TRAPPC9: variants seen among roughly 807,000 people sequenced by gnomAD.
The protein encoded by TRAPPC9 is trafficking protein particle complex subunit 9.
In TRAPPC9, 83 loss-of-function variants were observed where a neutral mutation model predicts 124.0. The ratio of observed to expected loss-of-function variants is 0.67; its 90% CI spans 0.56 to 0.80. The LOEUF is 0.80. TRAPPC9 is among the 30% of genes least tolerant of loss of function. The pLI is 0.00. For missense variants in TRAPPC9, 1,302 were observed against 1,508.3 expected (o/e 0.86, Z 2.27); for synonymous variants, 638 against 617.5 (o/e 1.03, Z -0.49).
At chr8:140,277,090 G>A (rs1306173628) in intron 14 of TRAPPC9, among the ~76,000 whole-genome samples, 4 of 152,086 alleles carry the variant, frequency 2.6e-5, no homozygotes, top group Non-Finnish European at 2.9e-5. Flanking sequence ...TGCTTCCCAC[G>A]CCGAAGCACT....
chr8:140,084,001 A>T (rs528563023), intron 17 of TRAPPC9, among the ~76,000 whole-genome samples: 45 of 152,058 alleles, frequency 3.0e-4, no homozygotes, highest in African/African-American at 1.0e-3. Flanking sequence ...AAGATTCAGG[A>T]TCTTGCTGTG....
At chr8:140,380,156 A>G (rs1336679718) in intron 7 of TRAPPC9, among the ~76,000 whole-genome samples, 3 of 152,230 alleles carry the variant, frequency 2.0e-5, no homozygotes, top group Non-Finnish European at 4.4e-5. Flanking sequence ...AAAAGAACGA[A>G]GTTGGAGGAG....
chr8:140,348,618 A>C (rs1200335711), intron 9 of TRAPPC9, among the ~76,000 whole-genome samples: 3 of 152,092 alleles, frequency 2.0e-5, no homozygotes, highest in Non-Finnish European at 2.9e-5. Flanking sequence ...GAAAGGGAAC[A>C]AAAAAAAGCA....
intron 19 of TRAPPC9, among the ~76,000 whole-genome samples, chr8:139,975,644 G>A (rs1836390147): frequency 6.6e-6 from 1 of 152,096 alleles, no homozygotes; most frequent in South Asian, 2.1e-4. Flanking sequence ...TCTAGGATTT[G>A]GCCCAGCCAA....
At chr8:139,799,189 T>C (rs1347772162) in intron 21 of TRAPPC9, among the ~76,000 whole-genome samples, 1 of 152,014 alleles carries the variant, frequency 6.6e-6, no homozygotes, top group Non-Finnish European at 1.5e-5. Context: ...TTTGGTACTG[T>C]TCTCATGATA....
chr8:140,259,961 C>T (rs1197705453), intron 15 of TRAPPC9, among the ~76,000 whole-genome samples: 1 of 152,214 alleles, frequency 6.6e-6, no homozygotes, highest in African/African-American at 2.4e-5. Flanking sequence ...TTAATTCCAA[C>T]TACATGAAAA....
intron 19 of TRAPPC9, among the ~76,000 whole-genome samples, chr8:139,985,502 G>A (rs553584203): frequency 5.9e-5 from 9 of 152,258 alleles, no homozygotes; most frequent in East Asian, 3.9e-4. Flanking sequence ...CTGAGGTGCC[G>A]CAGCATCCAG....
chr8:140,286,452 A>G (rs2065486896), intron 13 of TRAPPC9, among the ~76,000 whole-genome samples: 1 of 152,220 alleles, frequency 6.6e-6, no homozygotes, highest in Non-Finnish European at 1.5e-5. Flanking sequence ...AGACCAGGGC[A>G]AAAACACCAG....
At chr8:140,180,775 G>C (rs2062184049) in intron 17 of TRAPPC9, among the ~76,000 whole-genome samples, 1 of 145,800 alleles carries the variant, frequency 6.9e-6, no homozygotes. Context: ...CATCAGTTTT[G>C]TTCCCATGTA....
At chr8:140,043,713 G>C (rs1158455868) in intron 17 of TRAPPC9, among the ~76,000 whole-genome samples, 2 of 152,242 alleles carry the variant, frequency 1.3e-5, no homozygotes, top group African/African-American at 2.4e-5. Context: ...AGGGGCCCAA[G>C]AATGTGCATT....
intron 20 of TRAPPC9, among the ~76,000 whole-genome samples, chr8:139,890,212 C>T (rs1009738755): frequency 6.6e-6 from 1 of 152,246 alleles, no homozygotes; most frequent in African/African-American, 2.4e-5. Context: ...GGACCTCAGG[C>T]ATGACCTGTG....
At chr8:140,233,083 C>T (rs1465843884) in intron 16 of TRAPPC9, among the ~76,000 whole-genome samples, 1 of 152,216 alleles carries the variant, frequency 6.6e-6, no homozygotes, top group African/African-American at 2.4e-5. Flanking sequence ...AATCACAGAG[C>T]TGACAGTTTC....
intron 17 of TRAPPC9, among the ~76,000 whole-genome samples, chr8:140,085,436 T>G (rs1401349419): frequency 1.3e-5 from 2 of 152,160 alleles, no homozygotes; most frequent in Admixed American, 1.3e-4. Context: ...TCTCTCTCTT[T>G]AAATATAAAC....
intron 7 of TRAPPC9, among the ~76,000 whole-genome samples, chr8:140,375,127 G>A (rs941557957): frequency 5.3e-5 from 8 of 152,262 alleles, no homozygotes; most frequent in South Asian, 4.2e-4. Context: ...ACAAGGAGCC[G>A]GGGAGTACAA....
At position 140,138,248 on chromosome 8, in the gene TRAPPC9, G is replaced by A. The variant is rs111651843; in HGVS notation, c.2556+83211C>T. 1.8e-3 allele frequency among the ~76,000 whole-genome samples: 279 copies of A among 152,324 alleles called. 1 individual carries two copies. Among genetic ancestry groups the A allele is most frequent in the Non-Finnish European group, 1.8e-3 (120 of 68,030 alleles). On this transcript the variant is annotated intron_variant, in intron 17 of 22. Transcript: ENST00000438773. ...ATCTGGGAGGCGGAGGTTGCAGTGA[G>A]CCAAGATTGCACCACTGCACTCCAG...
In TRAPPC9 at chr8:140,251,363, T is replaced by C. The variant is rs544854891; in HGVS notation, c.2431+1414A>G. ...TGCAGTTCAGCGGGATAAAGCCGTT[T>C]ACACACCAACCAAAAAAATCCGTGT... On this transcript the variant is annotated intron_variant, in intron 16 of 22. Transcript: ENST00000438773. 1.2e-4 allele frequency among the ~76,000 whole-genome samples: 19 copies of C among 152,346 alleles called. No individual in the cohort carries two copies. The East Asian group carries it at 3.7e-3, about 29-fold the overall frequency.
intron 17 of TRAPPC9, among the ~76,000 whole-genome samples, chr8:140,075,775 C>G (rs78627939): frequency 3.9e-4 from 60 of 152,296 alleles, no homozygotes; most frequent in Non-Finnish European, 7.9e-4. Context: ...GGATGTAGAG[C>G]CAATGTCTGT....
intron 4 of TRAPPC9, among the ~76,000 whole-genome samples, chr8:140,428,624 G>A (rs1415903600): frequency 2.0e-5 from 3 of 152,108 alleles, no homozygotes; most frequent in Non-Finnish European, 4.4e-5. Flanking sequence ...CCTGTTCTAA[G>A]GTAAGCCTCT....
chr8:140,219,404 G>A (rs373516780), intron 17 of TRAPPC9, among the ~76,000 whole-genome samples: 3 of 152,098 alleles, frequency 2.0e-5, no homozygotes, highest in Non-Finnish European at 4.4e-5. Context: ...TAGTCCTTCC[G>A]GTCCCGCATA....
Sources: gnomAD v4.1 joint callset for allele counts (sites outside exome capture counted in the v4.1 genomes callset) on GRCh38, gnomAD v4.1.1 for gene constraint, MANE v1.5 for transcripts, NCBI Gene and HGNC (gene_info 2026-07-23, HGNC 2026-07-21) for gene names.